Variants in CFAP54 observed in about 807,000 individuals in gnomAD.
CFAP54 encodes the protein cilia- and flagella-associated protein 54.
Under a neutral mutation model 370.4 loss-of-function variants are expected in CFAP54, and 290 were observed. That is an observed-to-expected ratio of 0.78 (90% confidence interval 0.71 to 0.86). The LOEUF is 0.86. Ranked by LOEUF, CFAP54 falls within the 40% of genes least tolerant of loss-of-function variation. The probability of loss-of-function intolerance (pLI) is 0.00; values close to 1 mark genes in which losing one functional copy is unlikely to be tolerated. For synonymous variants in CFAP54, 1,206 were observed against 1,236.5 expected (o/e 0.98, Z 0.52); for missense variants, 3,399 against 3,528.7 (o/e 0.96, Z 0.93).
chr12:96,778,610 G>A (rs1053512040), intron 60 of CFAP54, among the ~76,000 whole-genome samples: 4 of 151,988 alleles, frequency 2.6e-5, no homozygotes, highest in African/African-American at 9.7e-5. Flanking sequence ...ACATTTTGTG[G>A]CTTAGGATTT....
intron 31 of CFAP54, 57 bp from the exon 32 acceptor site, chr12:96,630,494 A>G (rs2136475184): frequency 1.1e-6 from 1 of 897,664 alleles, no homozygotes; most frequent in Non-Finnish European, 1.6e-6. Flanking sequence ...TGAATAAATT[A>G]TACTACTGTG....
At chr12:96,669,476 G>C (rs1186519379) in intron 39 of CFAP54, among the ~76,000 whole-genome samples, 1 of 152,210 alleles carries the variant, frequency 6.6e-6, no homozygotes, top group Admixed American at 6.5e-5. Flanking sequence ...AAGTAGAGAT[G>C]ATGAAAGCCT....
intron 4 of CFAP54, 106 bp downstream of exon 4, chr12:96,507,205 C>A: frequency 1.2e-6 from 1 of 855,824 alleles, no homozygotes; most frequent in Non-Finnish European, 1.7e-6. Flanking sequence ...ATACGCATTT[C>A]ATAATAGGAT....
At chr12:96,742,646 G>T in intron 52 of CFAP54, 60 bp downstream of exon 52, 1 of 1,401,938 alleles carries the variant, frequency 7.1e-7, no homozygotes, top group African/African-American at 1.5e-5. Flanking sequence ...GGTGAAGAGG[G>T]GTTTATTGGG....
chr12:96,694,299 T>A (rs927798624), intron 45 of CFAP54, among the ~76,000 whole-genome samples: 2 of 152,192 alleles, frequency 1.3e-5, no homozygotes, highest in Non-Finnish European at 2.9e-5. Context: ...TGTGATTGAT[T>A]GGCTTGAACA....
intron 58 of CFAP54, among the ~76,000 whole-genome samples, chr12:96,759,156 A>G (rs10860092): frequency 0.36 from 55,199 of 151,702 alleles, 10,797 homozygotes; most frequent in East Asian, 0.58. Context: ...AATTCTTACC[A>G]ATTATTCATA....
At chr12:96,573,675 G>A (rs758455491) in intron 19 of CFAP54, among the ~76,000 whole-genome samples, 2 of 152,184 alleles carry the variant, frequency 1.3e-5, no homozygotes, top group Non-Finnish European at 2.9e-5. Context: ...GGTTGAATGA[G>A]TGAAAAAGTG....
At chr12:96,515,382 G>A (rs1955219348) in intron 5 of CFAP54, among the ~76,000 whole-genome samples, 1 of 152,048 alleles carries the variant, frequency 6.6e-6, no homozygotes, top group Admixed American at 6.6e-5. Context: ...ATAATTTTGG[G>A]GGAGGGGTGG....
intron 14 of CFAP54, among the ~76,000 whole-genome samples, chr12:96,541,955 A>T (rs1955579305): frequency 6.6e-6 from 1 of 150,768 alleles, no homozygotes; most frequent in African/African-American, 2.5e-5. Flanking sequence ...CATTCAGGAG[A>T]TGTCTTCTCT....
chr12:96,571,960 C>A (rs1275898149), intron 19 of CFAP54, among the ~76,000 whole-genome samples: 3 of 152,168 alleles, frequency 2.0e-5, no homozygotes, highest in South Asian at 4.1e-4. Flanking sequence ...TGTCACCATT[C>A]ACTTAAAACT....
At chr12:96,656,100 C>G (rs1030040022) in intron 36 of CFAP54, among the ~76,000 whole-genome samples, 1 of 152,028 alleles carries the variant, frequency 6.6e-6, no homozygotes, top group Non-Finnish European at 1.5e-5. Flanking sequence ...AGTGTTAGAA[C>G]TTTTCTTTAA....
At chr12:96,623,009 C>T (rs1216939338) in intron 27 of CFAP54, among the ~76,000 whole-genome samples, 2 of 152,076 alleles carry the variant, frequency 1.3e-5, no homozygotes, top group Admixed American at 1.3e-4. Flanking sequence ...TTATGTCACC[C>T]AGGCTTTGAC....
At chr12:96,498,674 C>T (rs1331173418) in intron 1 of CFAP54, among the ~76,000 whole-genome samples, 1 of 152,082 alleles carries the variant, frequency 6.6e-6, no homozygotes, top group Non-Finnish European at 1.5e-5. Flanking sequence ...AAAAAATAAA[C>T]TCCTAGTAGA....
At chr12:96,557,951 G>A (rs1327266576) in intron 17 of CFAP54, among the ~76,000 whole-genome samples, 1 of 152,196 alleles carries the variant, frequency 6.6e-6, no homozygotes, top group African/African-American at 2.4e-5. Context: ...AAGACATTAT[G>A]TATAACTCAT....
Position 96,868,085 on chromosome 12 carries a change from G to A in CFAP54, c.*15-7033G>A, listed in dbSNP as rs73368620. Among the ~76,000 whole-genome samples, 362 of 151,678 alleles carry A rather than the reference G, an allele frequency of 2.4e-3. 1 individual carries two copies. The highest frequency in any genetic ancestry group is 7.7e-3 in the African/African-American group (319 of 41,314). On this transcript the variant is annotated intron_variant, in intron 67 of 67. Transcript: ENST00000524981. Reference sequence around the variant, plus strand: ...CCTAATGGCCTCAAGTCTTCATTCCGGACTCAACCCAGACGTCTCCTCCAC... The same window carrying A: ...CCTAATGGCCTCAAGTCTTCATTCCAGACTCAACCCAGACGTCTCCTCCAC...
At position 96,750,421 on chromosome 12, in the gene CFAP54, G is replaced by A. The variant is rs534491650; in HGVS notation, c.7685-3322G>A. 7.2e-5 allele frequency among the ~76,000 whole-genome samples: 11 copies of A among 152,244 alleles called. No individual in the cohort carries two copies. The South Asian group carries it at 1.5e-3, about 20-fold the overall frequency. On this transcript the variant is annotated intron_variant, in intron 55 of 67. Coordinates refer to ENST00000524981, the MANE Select transcript of CFAP54 (RefSeq NM_001306084.2). Reference sequence around the variant, plus strand: ...CATCTCCCTTCTGTTCCTCCCTCTCGTTATTATTATTGATCATTGTTATAT... The same window carrying A: ...CATCTCCCTTCTGTTCCTCCCTCTCATTATTATTATTGATCATTGTTATAT...
chr12:96,557,597 C>A (rs533614301), intron 17 of CFAP54, among the ~76,000 whole-genome samples: 52 of 152,090 alleles, frequency 3.4e-4, no homozygotes, highest in African/African-American at 1.2e-3. Flanking sequence ...GGGAATATCA[C>A]ATGGCAATGA....
intron 58 of CFAP54, among the ~76,000 whole-genome samples, chr12:96,763,379 G>A: frequency 6.6e-6 from 1 of 152,090 alleles, no homozygotes. Context: ...AAATATGATA[G>A]CAAATACTGC....
At chr12:96,716,248 G>A (rs980458860) in intron 48 of CFAP54, among the ~76,000 whole-genome samples, 5 of 152,104 alleles carry the variant, frequency 3.3e-5, no homozygotes, top group African/African-American at 9.7e-5. Context: ...CCATAAATGC[G>A]GATAAGAGAT....
Sources: allele counts gnomAD v4.1 joint callset (sites outside exome capture counted in the v4.1 genomes callset), GRCh38; gene constraint gnomAD v4.1.1; transcripts MANE v1.5; gene names NCBI Gene and HGNC (gene_info 2026-07-23, HGNC 2026-07-21).